Variants in GOLGA8T observed in about 807,000 individuals in gnomAD.
GOLGA8T encodes the protein golgin A8 family member T.
GOLGA8T carries 17 observed loss-of-function variants against 52.0 expected under a neutral mutation model. The observed-to-expected ratio is 0.33, with a 90% CI of 0.22 to 0.49. The LOEUF (loss-of-function observed/expected upper bound fraction) is 0.49. Ranked by LOEUF, GOLGA8T falls within the 20% of genes least tolerant of loss-of-function variation. The probability of loss-of-function intolerance (pLI) is 0.99; values close to 1 mark genes in which losing one functional copy is unlikely to be tolerated. For missense variants in GOLGA8T, 154 were observed against 462.1 expected, an observed-to-expected ratio of 0.33 and a Z score of 6.11; for synonymous variants, 67 against 169.5, an observed-to-expected ratio of 0.40 and a Z score of 4.70.
chr15:30,140,383 CT>C (rs1301204891), intron 8 of GOLGA8T, among the ~76,000 whole-genome samples: 1 of 120,786 alleles, frequency 8.3e-6, no homozygotes, highest in Non-Finnish European at 1.6e-5. Flanking sequence ...GAAAAACGGG[CT>C]TAGAGAATTG....
In GOLGA8T at chr15:30,148,616, A is replaced by G. The variant is rs1369717690; in HGVS notation, c.*3049A>G. On this transcript the variant is annotated 3_prime_UTR_variant, in exon 19 of 19. Transcript: ENST00000569052. The stretch of plus-strand genomic sequence containing the variant: ...AAAGTTTTATTTGCCAAGTTTTCTT[A>G]GAATGAATTTTACCAGTTTATGAAT... 7.0e-6 allele frequency among the ~76,000 whole-genome samples: 1 copy of G among 142,788 alleles called. No homozygotes were observed. Among genetic ancestry groups the G allele is most frequent in the Non-Finnish European group, 1.5e-5 (1 of 66,660 alleles). 93.7% of individuals were successfully genotyped at this position (142,788 alleles called of 152,430 possible).
At position 30,136,511 on chromosome 15, in the gene GOLGA8T, C is replaced by T. The variant is rs865854566; in HGVS notation, c.49-355C>T. On this transcript the variant is annotated intron_variant, in intron 1 of 18. Transcript: ENST00000569052. The stretch of plus-strand genomic sequence containing the variant: ...TGGTGCACTTCTTCACACTAACAGA[C>T]GTGTGAGGATGTGTGACTCTAAACC... Among the ~76,000 whole-genome samples the T allele has an allele frequency of 3.9e-3, 584 of 147,922 alleles. 2 individuals carry two copies. The highest frequency in any genetic ancestry group is 0.013 in the African/African-American group (531 of 39,600).
chr15:30,142,448 A>G, intron 13 of GOLGA8T, 66 bp downstream of exon 13: 2 of 1,580,454 alleles, frequency 1.3e-6, no homozygotes, highest in African/African-American at 1.4e-5. Context: ...GACTCTGGGG[A>G]GGGGAGGTAC....
rs772209590 is a variant in GOLGA8T at position 30,142,432 on chromosome 15, G to A, written c.1200+50G>A. The A allele has an allele frequency of 4.2e-5, 66 of 1,581,170 alleles. 4 individuals are homozygous for A. Among genetic ancestry groups the A allele is most frequent in the African/African-American group, 3.7e-4 (26 of 69,682 alleles). ...CCATCCAAGAAGGGCTGGGAGGCGG[G>A]CAGCAGACTCTGGGGAGGGGAGGTA... On this transcript the variant is annotated intron_variant, in intron 13 of 18. Coordinates refer to ENST00000569052, the MANE Select transcript of GOLGA8T (RefSeq NM_001355469.2).
chr15:30,142,793 A>AG (rs2057765272), intron 13 of GOLGA8T, among the ~76,000 whole-genome samples: 1 of 118,498 alleles, frequency 8.4e-6, no homozygotes, highest in Non-Finnish European at 1.6e-5. Flanking sequence ...AAAAAAAAAA[A>AG]AAAAAATTAG....
In GOLGA8T at chr15:30,141,075, A is replaced by G; in HGVS notation, c.719A>G (p.Glu240Gly). Residue 240 changes from glutamate (E) to glycine (G), a missense_variant, in exon 10 of 19, where the codon GAG (glutamate) becomes GGG (glycine). Physicochemically the swap from Glu to Gly is moderately conservative, Grantham distance 98. Coordinates refer to ENST00000569052, the MANE Select transcript of GOLGA8T (RefSeq NM_001355469.2). ...CAACAAGTCCAATTAGAAAGAGATGAGTATTCTGAACATCTAAAAGGAGAG... is the reference window on the plus strand; with the variant it reads ...CAACAAGTCCAATTAGAAAGAGATGGGTATTCTGAACATCTAAAAGGAGAG... Reference protein sequence around the residue: ...SFQQVQLERDEYSEHLKGERA... With the variant: ...SFQQVQLERDGYSEHLKGERA... The G allele has an allele frequency of 8.2e-7, 1 of 1,217,308 alleles. No homozygotes were observed. Among genetic ancestry groups the G allele is most frequent in the South Asian group, 1.3e-5 (1 of 77,954 alleles). The allele number at this position is 1,217,308 out of a possible 1,614,324, so 75.4% of individuals were successfully genotyped here.
At position 30,148,656 on chromosome 15, in the gene GOLGA8T, T is replaced by C. The variant is rs1285961820; in HGVS notation, c.*3089T>C. On this transcript the variant is annotated 3_prime_UTR_variant, in exon 19 of 19. Transcript: ENST00000569052. ...AGTTTATGAATTATTGTAAACAGAA[T>C]GTGTCATGGAAATACTGAAAGATTT... is the stretch of plus-strand genomic sequence containing the variant. Among the ~76,000 whole-genome samples the C allele has an allele frequency of 6.9e-6, 1 of 145,404 alleles. No homozygotes were observed. The highest frequency in any genetic ancestry group is 1.9e-4 in the East Asian group (1 of 5,178).
chr15:30,141,197 G>A, intron 10 of GOLGA8T, 55 bp downstream of exon 10: 1 of 1,101,022 alleles, frequency 9.1e-7, no homozygotes, highest in Non-Finnish European at 1.3e-6. Context: ...GATCTTTCTG[G>A]TCATCTGTAA....
chr15:30,140,223 A>T (rs1312325100), intron 8 of GOLGA8T: 12 of 443,216 alleles, frequency 2.7e-5, no homozygotes, highest in Non-Finnish European at 4.5e-5. Flanking sequence ...GCAAGGGTTC[A>T]TAAAAAAGTC....
In GOLGA8T at chr15:30,141,511, G is replaced by A. The variant is rs1263958978; in HGVS notation, c.874+86G>A. The stretch of plus-strand genomic sequence containing the variant: ...TTAGAGTGCCCCAGGGAGGTGGGTG[G>A]ATGGAAGGGCTTTGAGGCAGAGGGA... On this transcript the variant is annotated intron_variant, in intron 11 of 18. Transcript: ENST00000569052. 18 of 948,588 alleles carry A rather than the reference G, an allele frequency of 1.9e-5. 1 individual carries two copies. Among genetic ancestry groups the A allele is most frequent in the Non-Finnish European group, 2.7e-5 (17 of 632,222 alleles). 58.8% of individuals were successfully genotyped at this position (948,588 alleles called of 1,614,324 possible). A position where few individuals can be genotyped will look rare whatever the true frequency, so the allele number is the denominator to read the frequency against.
At chr15:30,142,812 T>C (rs1437921743) in intron 13 of GOLGA8T, among the ~76,000 whole-genome samples, 1 of 113,280 alleles carries the variant, frequency 8.8e-6, no homozygotes, top group African/African-American at 5.7e-5. Flanking sequence ...AGCAGGACAT[T>C]GTGGCGCATG....
Position 30,141,370 on chromosome 15 carries a change from T to C in GOLGA8T, c.819T>C (p.Asp273=). 2 of 1,545,790 alleles carry C rather than the reference T, an allele frequency of 1.3e-6. No homozygotes were observed. The highest frequency in any genetic ancestry group is 1.7e-5 in the Admixed American group (1 of 57,960). Reference sequence around the variant, plus strand: ...CATTAAAGAAAGAGAAGCAGCAAGATATGCGTCGGGTAGAGGAGCTGGAGA... The same window carrying C: ...CATTAAAGAAAGAGAAGCAGCAAGACATGCGTCGGGTAGAGGAGCTGGAGA... ...ICTLKKEKQQ[D]MRRVEELERS... is the part of the protein sequence containing the mutation. The change falls in exon 11 of 19, where the codon GAT becomes GAC. Residue 273 remains aspartate (D), a synonymous_variant. Coordinates refer to ENST00000569052, the MANE Select transcript of GOLGA8T (RefSeq NM_001355469.2).
chr15:30,140,546 CA>C, intron 8 of GOLGA8T, among the ~76,000 whole-genome samples: 1 of 132,910 alleles, frequency 7.5e-6, no homozygotes, highest in East Asian at 2.1e-4. Flanking sequence ...GGATTGTTAG[CA>C]CGGTACCTGG....
intron 13 of GOLGA8T, 59 bp from the exon 14 acceptor site, chr15:30,143,547 G>T: frequency 1.4e-6 from 2 of 1,464,740 alleles, no homozygotes; most frequent in South Asian, 1.2e-5. Flanking sequence ...CGAGGATGGG[G>T]CTGTGAGGGG....
rs2057848093 is a variant in GOLGA8T, at chr15:30,148,672, T to C, written c.*3105T>C. On this transcript the variant is annotated 3_prime_UTR_variant, in exon 19 of 19. Transcript: ENST00000569052. ...TAAACAGAATGTGTCATGGAAATAC[T>C]GAAAGATTTTTCCCTAGAGTGGCCT... 6.8e-6 allele frequency among the ~76,000 whole-genome samples: 1 copy of C among 146,204 alleles called. No homozygotes were observed. The highest frequency in any genetic ancestry group is 2.6e-5 in the African/African-American group (1 of 37,802).
chr15:30,141,688 G>A, intron 11 of GOLGA8T, 114 bp from the exon 12 acceptor site: 1 of 581,156 alleles, frequency 1.7e-6, no homozygotes, highest in South Asian at 2.1e-5. Context: ...CTGGGTGCGA[G>A]GAATCATTAG....
At chr15:30,142,588 T>G (rs1411665888) in intron 13 of GOLGA8T, among the ~76,000 whole-genome samples, 1 of 143,582 alleles carries the variant, frequency 7.0e-6, no homozygotes, top group African/African-American at 2.8e-5. Context: ...CTGGACATCA[T>G]CATCCTAGCT....
rs1243476117 is a variant in GOLGA8T at position 30,148,484 on chromosome 15, C to G, written c.*2917C>G. On this transcript the variant is annotated 3_prime_UTR_variant, in exon 19 of 19. Coordinates refer to ENST00000569052, the MANE Select transcript of GOLGA8T (RefSeq NM_001355469.2). Reference sequence around the variant, plus strand: ...AACTATTAAAAAATGTAACTGCTATCTTAATGTTCTGAAATAATTTAAAAC... The same window carrying G: ...AACTATTAAAAAATGTAACTGCTATGTTAATGTTCTGAAATAATTTAAAAC... Among the ~76,000 whole-genome samples the G allele has an allele frequency of 2.4e-5, 3 of 126,936 alleles. No individual in the cohort carries two copies. Among genetic ancestry groups the G allele is most frequent in the Non-Finnish European group, 4.7e-5 (3 of 63,686 alleles). 83.3% of individuals were successfully genotyped at this position (126,936 alleles called of 152,430 possible). A position where few individuals can be genotyped will look rare whatever the true frequency, so the allele number is the denominator to read the frequency against.
At chr15:30,140,152 C>A in intron 8 of GOLGA8T, 2 of 403,946 alleles carry the variant, frequency 5.0e-6, no homozygotes, top group Admixed American at 3.0e-5. Context: ...AACGTGTGTG[C>A]GTGTGTGTGT....
Sources: gnomAD v4.1 joint callset for allele counts (sites outside exome capture counted in the v4.1 genomes callset) on GRCh38, gnomAD v4.1.1 for gene constraint, MANE v1.5 for transcripts, NCBI Gene and HGNC (gene_info 2026-07-23, HGNC 2026-07-21) for gene names.